Variants in ANK3 observed in about 807,000 individuals in gnomAD.
ANK3 encodes the protein ankyrin 3, also known as ankyrin-3.
In ANK3, 57 loss-of-function variants were observed where a neutral mutation model predicts 370.9. The observed-to-expected ratio is 0.15, with a 90% CI of 0.12 to 0.19. ANK3 has a LOEUF of 0.19. ANK3 is among the 10% of genes least tolerant of loss of function. ANK3 has a pLI of 1.00. For synonymous variants in ANK3, 1,929 were observed against 1,946.3 expected (o/e 0.99, Z 0.23); for missense variants, 4,439 against 5,302.1 (o/e 0.84, Z 5.06).
chr10:60,596,303 C>T (rs1207318468), intron 2 of ANK3, among the ~76,000 whole-genome samples: 1 of 152,100 alleles, frequency 6.6e-6, no homozygotes, highest in Non-Finnish European at 1.5e-5. Context: ...TGTGAAATGG[C>T]TGAACACTCA....
intron 7 of ANK3, 137 bp downstream of exon 7, chr10:60,261,722 G>A: frequency 1.5e-6 from 1 of 673,762 alleles, no homozygotes; most frequent in South Asian, 1.9e-5. Context: ...ACATACACTA[G>A]GATGAGTAGA....
chr10:60,474,016 A>T (rs939336584), intron 2 of ANK3, among the ~76,000 whole-genome samples: 48 of 150,186 alleles, frequency 3.2e-4, no homozygotes, highest in African/African-American at 1.1e-3. Flanking sequence ...ACCTGTAGTC[A>T]CAGCTACTTG....
chr10:60,282,255 A>C (rs1385178796), intron 1 of ANK3, among the ~76,000 whole-genome samples: 2 of 152,184 alleles, frequency 1.3e-5, no homozygotes, highest in Non-Finnish European at 2.9e-5. Context: ...CGGCTAAAGA[A>C]GTTAAAATAG....
At chr10:60,693,698 T>C (rs1198972979) in intron 1 of ANK3, among the ~76,000 whole-genome samples, 1 of 152,120 alleles carries the variant, frequency 6.6e-6, no homozygotes, top group Admixed American at 6.5e-5. Flanking sequence ...TCCTGTCTGT[T>C]AGAAGGAAAA....
chr10:60,075,781 G>A lies in ANK3; in HGVS notation c.5100C>T (p.Leu1700=). The A allele has an allele frequency of 6.2e-7, 1 of 1,614,168 alleles. No homozygotes were observed. The highest frequency in any genetic ancestry group is 1.1e-5 in the South Asian group (1 of 91,086). ...CAGGCATCTGCTTCACAGGTGATGA[G>A]AGAGAAGATGCCATTGTAATTTTGG... is the stretch of plus-strand genomic sequence containing the variant. ...SSAKITMASS[L]SSPVKQMPGH... Residue 1700 remains leucine, a synonymous_variant, in exon 37 of 44, where the codon CTC becomes CTT. Coordinates refer to ENST00000280772, the MANE Select transcript of ANK3 (RefSeq NM_020987.5).
chr10:60,289,263 C>T (rs1357635260), intron 1 of ANK3, among the ~76,000 whole-genome samples: 4 of 131,036 alleles, frequency 3.1e-5, no homozygotes, highest in Admixed American at 1.6e-4. Flanking sequence ...CTATGCCCTG[C>T]CTTTTTTTTT....
At chr10:60,707,811 A>T (rs2079641391) in intron 1 of ANK3, among the ~76,000 whole-genome samples, 1 of 152,082 alleles carries the variant, frequency 6.6e-6, no homozygotes, top group Admixed American at 6.5e-5. Context: ...AATTTTCCTT[A>T]GTTCAGCTAA....
intron 2 of ANK3, among the ~76,000 whole-genome samples, chr10:60,580,194 A>T (rs1044632265): frequency 3.3e-5 from 5 of 152,238 alleles, no homozygotes; most frequent in African/African-American, 1.2e-4. Flanking sequence ...TATTTTCATA[A>T]CTATGCTTAG....
intron 7 of ANK3, among the ~76,000 whole-genome samples, chr10:60,244,195 CATTTTCTAT>C (rs753718858): frequency 4.6e-5 from 7 of 152,054 alleles, no homozygotes; most frequent in Non-Finnish European, 8.8e-5. Flanking sequence ...AAATCAGGGC[CATTTTCTAT>C]ATTACTTGTG....
chr10:60,043,410 T>G (rs1367357757), intron 42 of ANK3: 1 of 983,406 alleles, frequency 1.0e-6, no homozygotes, highest in Non-Finnish European at 1.2e-6. Flanking sequence ...AAACATTGTC[T>G]ATTGAAGTTT....
At chr10:60,347,134 G>T (rs1343317603) in intron 1 of ANK3, among the ~76,000 whole-genome samples, 1 of 150,102 alleles carries the variant, frequency 6.7e-6, no homozygotes, top group Non-Finnish European at 1.5e-5. Context: ...TTTACTGAAT[G>T]ATTTGCACAC....
chr10:60,700,232 T>C (rs1279668298), intron 1 of ANK3, among the ~76,000 whole-genome samples: 3 of 152,148 alleles, frequency 2.0e-5, no homozygotes, highest in Non-Finnish European at 4.4e-5. Context: ...CCTAAATAAT[T>C]CCAATACAGA....
chr10:60,364,498 A>T (rs1226700263), intron 1 of ANK3, among the ~76,000 whole-genome samples: 2 of 151,554 alleles, frequency 1.3e-5, no homozygotes, highest in Non-Finnish European at 2.9e-5. Flanking sequence ...AACAATGAGA[A>T]CACATGGACC....
intron 40 of ANK3, chr10:60,059,750 T>G: frequency 6.2e-7 from 1 of 1,614,114 alleles, no homozygotes; most frequent in Non-Finnish European, 8.5e-7. Flanking sequence ...CTTCAGGCAT[T>G]TCTGTTAAAG....
intron 7 of ANK3, among the ~76,000 whole-genome samples, chr10:60,235,665 A>G (rs1466095129): frequency 6.7e-6 from 1 of 150,106 alleles, no homozygotes; most frequent in African/African-American, 2.5e-5. Context: ...CCTCCCAAGT[A>G]GCTGGAACTA....
chr10:60,408,740 A>C (rs1221441046), intron 2 of ANK3, among the ~76,000 whole-genome samples: 1 of 152,124 alleles, frequency 6.6e-6, no homozygotes, highest in African/African-American at 2.4e-5. Context: ...TCCCTTCCCG[A>C]GTGCATACAC....
chr10:60,480,963 C>G (rs938176592), intron 2 of ANK3, among the ~76,000 whole-genome samples: 1 of 152,144 alleles, frequency 6.6e-6, no homozygotes, highest in Admixed American at 6.5e-5. Flanking sequence ...GATCAGTTTT[C>G]ATGAACTAGA....
intron 4 of ANK3, among the ~76,000 whole-genome samples, chr10:60,272,033 G>C (rs546244694): frequency 2.0e-4 from 31 of 151,520 alleles, no homozygotes; most frequent in African/African-American, 7.5e-4. Flanking sequence ...GTTTTATCAT[G>C]AAACATTCTA....
At chr10:60,425,054 A>G (rs1455707653) in intron 2 of ANK3, among the ~76,000 whole-genome samples, 1 of 152,042 alleles carries the variant, frequency 6.6e-6, no homozygotes, top group Non-Finnish European at 1.5e-5. Flanking sequence ...AGGTGACACT[A>G]TGTTCATAGG....
Sources: gnomAD v4.1 joint callset for allele counts (sites outside exome capture counted in the v4.1 genomes callset) on GRCh38, gnomAD v4.1.1 for gene constraint, MANE v1.5 for transcripts, NCBI Gene and HGNC (gene_info 2026-07-23, HGNC 2026-07-21) for gene names.